Variants in PCDHA9 observed in about 807,000 individuals in gnomAD.
The protein encoded by PCDHA9 is protocadherin alpha-9.
PCDHA9 carries 62 observed loss-of-function variants against 62.0 expected under a neutral mutation model. The observed-to-expected ratio is 1.00, with a 90% CI of 0.81 to 1.23. The LOEUF is 1.23. Ranked by LOEUF, PCDHA9 falls within the 50% of genes most tolerant of loss-of-function variation. The pLI is 0.00. For synonymous variants in PCDHA9, 557 were observed against 567.6 expected (o/e 0.98, Z 0.27); for missense variants, 1,205 against 1,249.8 (o/e 0.96, Z 0.54).
At chr5:140,865,799 T>A (rs1286819785) in intron 1 of PCDHA9, 1 of 152,200 alleles carries the variant, frequency 6.6e-6, no homozygotes, top group East Asian at 1.9e-4. Context: ...GGCTTCAGAC[T>A]CATTCTTTTA....
intron 1 of PCDHA9, chr5:140,852,246 CTT>C (rs1364833790): frequency 5.5e-6 from 3 of 546,116 alleles, no homozygotes; most frequent in Admixed American, 6.5e-5. Context: ...TTAAAACACA[CTT>C]TTGGAATATG....
At chr5:140,950,559 T>TAA (rs1381352344) in intron 1 of PCDHA9, among the ~76,000 whole-genome samples, 1 of 152,076 alleles carries the variant, frequency 6.6e-6, no homozygotes, top group African/African-American at 2.4e-5. Flanking sequence ...GGGGGACACT[T>TAA]ATTTTAAGGT....
chr5:140,905,843 T>C (rs1554192236), intron 1 of PCDHA9, among the ~76,000 whole-genome samples: 1 of 152,126 alleles, frequency 6.6e-6, no homozygotes, highest in South Asian at 2.1e-4. Flanking sequence ...GGGAGTTTAT[T>C]AAGGAGTATT....
At chr5:140,947,706 A>G (rs2153680894) in intron 1 of PCDHA9, among the ~76,000 whole-genome samples, 1 of 151,686 alleles carries the variant, frequency 6.6e-6, no homozygotes, top group East Asian at 1.9e-4. Context: ...AGTTTTAAGT[A>G]TTGAGGTTTC....
intron 1 of PCDHA9, among the ~76,000 whole-genome samples, chr5:140,931,648 T>G (rs1258876806): frequency 6.6e-6 from 1 of 152,014 alleles, no homozygotes; most frequent in African/African-American, 2.4e-5. Context: ...TGCTAATAAT[T>G]GTTGTGGGCT....
chr5:140,849,396 G>A lies in PCDHA9; in HGVS notation c.901G>A (p.Ala301Thr), dbSNP rs1554142933. The change falls in exon 1 of 4, where the codon GCA becomes ACA. Residue 301 changes from alanine (A) to threonine (T), a missense_variant. Physicochemically the swap from Ala to Thr is moderately conservative, Grantham distance 58. Transcript: ENST00000532602. ...SKFHMDPLSGAITVIGHMDFE... is the reference protein window; with the variant it reads ...SKFHMDPLSGTITVIGHMDFE... ...GTTCCACATGGACCCCTTAAGTGGG[G>A]CAATCACAGTGATAGGACATATGGA... The A allele has an allele frequency of 6.5e-7, 1 of 1,544,756 alleles. No individual in the cohort carries two copies. Among genetic ancestry groups the A allele is most frequent in the Non-Finnish European group, 8.8e-7 (1 of 1,131,660 alleles).
chr5:140,860,911 G>A (rs1302618157), intron 1 of PCDHA9: 1 of 152,150 alleles, frequency 6.6e-6, no homozygotes, highest in Non-Finnish European at 1.5e-5. Context: ...CTAATTTTTT[G>A]TATTTTTAGT....
At chr5:140,992,017 CTGTGTGTGTGTGTG>C (rs10602499) in intron 3 of PCDHA9, among the ~76,000 whole-genome samples, 7 of 145,626 alleles carry the variant, frequency 4.8e-5, no homozygotes, top group East Asian at 2.0e-4. Context: ...AGAGGTGGCT[CTGTGTGTGTGTGTG>C]TGTGTGTGTG....
At chr5:140,926,873 C>T in intron 1 of PCDHA9, 1 of 1,525,502 alleles carries the variant, frequency 6.6e-7, no homozygotes, top group Non-Finnish European at 8.8e-7. Context: ...GTTGGTGGAA[C>T]GTGGACGCCT....
In PCDHA9 at chr5:140,982,576, G is replaced by C. The variant is rs782355791; in HGVS notation, c.2542+13G>C. ...AGTGCAACACCAGGTAAAGAGCTGG[G>C]GTCTCTCCATTCTTTCTTGGTTTCT... On this transcript the variant is annotated intron_variant, in intron 3 of 3. Transcript: ENST00000532602. 3.1e-6 allele frequency: 5 copies of C among 1,613,270 alleles called. 1 individual carries two copies. In the South Asian group the frequency reaches 5.5e-5, roughly 18 times the overall value.
intron 1 of PCDHA9, among the ~76,000 whole-genome samples, chr5:140,896,747 G>C (rs1162214018): frequency 1.3e-5 from 2 of 152,070 alleles, no homozygotes; most frequent in Admixed American, 1.3e-4. Context: ...ATAGATTCTG[G>C]ATATTAGACC....
chr5:140,915,850 C>A (rs2077335554), intron 1 of PCDHA9, among the ~76,000 whole-genome samples: 1 of 152,140 alleles, frequency 6.6e-6, no homozygotes, highest in South Asian at 2.1e-4. Context: ...GGGGTGACAC[C>A]AGCCAAGTTT....
In PCDHA9 at chr5:140,923,554, G is replaced by T. The variant is rs117642898; in HGVS notation, c.2395-55395G>T. Among the ~76,000 whole-genome samples the T allele has an allele frequency of 6.2e-4, 95 of 152,226 alleles. No individual in the cohort carries two copies. The East Asian group carries it at 0.017, about 28-fold the overall frequency. On this transcript the variant is annotated intron_variant, in intron 1 of 3. Coordinates refer to ENST00000532602, the MANE Select transcript of PCDHA9 (RefSeq NM_031857.2). ...AAAAAAAGGACAAAATGAAATATCA[G>T]CAATGAAAGGTCCTGCTAAAGAGAA...
Position 140,848,531 on chromosome 5 carries a change from G to C in PCDHA9, c.36G>C (p.Gln12His). The change falls in exon 1 of 4, where the codon CAG becomes CAC. Residue 12 changes from glutamine to histidine, a missense_variant. Physicochemically the swap from Gln to His is conservative, Grantham distance 24. This residue lies in a region of PCDHA9 where 208 missense variants were observed against 213.2 expected (regional missense o/e 0.98). Coordinates refer to ENST00000532602, the MANE Select transcript of PCDHA9 (RefSeq NM_031857.2). ...LYSSRGDPEG[Q>H]PLLLSLLILA... ...CAAGTCGAGGAGATCCAGAGGGTCA[G>C]CCTCTACTGCTCTCGCTTCTGATCC... 3 of 1,594,876 alleles carry C rather than the reference G, an allele frequency of 1.9e-6. 1 individual carries two copies. The South Asian group carries it at 3.3e-5, about 18-fold the overall frequency.
At chr5:140,876,583 CT>C in intron 1 of PCDHA9, 1 of 1,614,194 alleles carries the variant, frequency 6.2e-7, no homozygotes, top group Non-Finnish European at 8.5e-7. Context: ...CGTCATTGCC[CT>C]GATTAGCGTG....
chr5:140,899,544 T>A (rs925092249), intron 1 of PCDHA9, among the ~76,000 whole-genome samples: 11 of 152,202 alleles, frequency 7.2e-5, no homozygotes, highest in Non-Finnish European at 1.5e-5. Context: ...TTGATCATGG[T>A]GGATAAGCTT....
intron 1 of PCDHA9, among the ~76,000 whole-genome samples, chr5:140,950,960 A>G (rs2094536305): frequency 6.6e-6 from 1 of 151,564 alleles, no homozygotes. Flanking sequence ...CTATTGATCT[A>G]TTTTCAGATT....
chr5:140,907,408 C>T (rs2073363118), intron 1 of PCDHA9, among the ~76,000 whole-genome samples: 1 of 152,118 alleles, frequency 6.6e-6, no homozygotes. Flanking sequence ...TGTGGAATAC[C>T]ACGATGGTGG....
At chr5:140,870,318 G>C in intron 1 of PCDHA9, 1 of 1,614,178 alleles carries the variant, frequency 6.2e-7, no homozygotes, top group Non-Finnish European at 8.5e-7. Flanking sequence ...ATTACTACTC[G>C]TTGGTGCTGG....
Sources: gnomAD v4.1 joint callset for allele counts (sites outside exome capture counted in the v4.1 genomes callset) on GRCh38, gnomAD v4.1.1 for gene constraint, gnomAD v4.1.1 regional missense constraint, MANE v1.5 for transcripts, NCBI Gene and HGNC (gene_info 2026-07-23, HGNC 2026-07-21) for gene names.